Variants in NEMP2 observed in about 807,000 individuals in gnomAD.
NEMP2 encodes UPF0571 transmembrane protein.
A neutral mutation model predicts 54.2 loss-of-function variants in NEMP2; 53 were observed. That is an observed-to-expected ratio of 0.98 (90% confidence interval 0.78 to 1.23). The LOEUF is 1.23. Ranked by LOEUF, NEMP2 falls within the 50% of genes most tolerant of loss-of-function variation. NEMP2 has a pLI of 0.00. For missense variants in NEMP2, 455 were observed against 511.3 expected, an observed-to-expected ratio of 0.89 and a Z score of 1.06; for synonymous variants, 197 against 190.3, an observed-to-expected ratio of 1.04 and a Z score of -0.29.
At chr2:190,424,871 C>T in the NEMP2 span, among the ~76,000 whole-genome samples, 3 of 152,082 alleles carry the variant, frequency 2.0e-5, no homozygotes, top group African/African-American at 7.2e-5. This position sits in a 1 kb window ranked among gnomAD's most constrained non-coding sequence, Gnocchi z 5.9. Context: ...TTTAGCTATT[C>T]GTTTCTTTCC....
At chr2:190,646,965 G>T in the NEMP2 span, 4 of 152,278 alleles carry the variant, frequency 2.6e-5, no homozygotes. Context: ...AAAACATCAA[G>T]ATTCCATAGA....
chr2:190,512,550 T>C lies in NEMP2; in HGVS notation c.953+1903A>G, dbSNP rs899001138. On this transcript the variant is annotated intron_variant, in intron 7 of 8. Transcript: ENST00000409150. This position sits in a 1 kb window ranked among gnomAD's most constrained non-coding sequence, Gnocchi z 4.5. ...GCAAAATTTTAAGTTGAGGAAGTTATAGTACATTTTGATTATTATAGAACA... is the reference window on the plus strand; with the variant it reads ...GCAAAATTTTAAGTTGAGGAAGTTACAGTACATTTTGATTATTATAGAACA... Among the ~76,000 whole-genome samples, 1 of 152,236 alleles carries C rather than the reference T, an allele frequency of 6.6e-6. No individual in the cohort carries two copies. Among genetic ancestry groups the C allele is most frequent in the Non-Finnish European group, 1.5e-5 (1 of 68,038 alleles).
At chr2:190,491,733 ATATGACAAAACAAGGTT>A in the NEMP2 span, among the ~76,000 whole-genome samples, 1 of 152,210 alleles carries the variant, frequency 6.6e-6, no homozygotes. This position sits in a 1 kb window ranked among gnomAD's most constrained non-coding sequence, Gnocchi z 4.2. Context: ...AATTCTAGTA[ATATGACAAAACAAGGTT>A]CTTTAACCTG....
the NEMP2 span, among the ~76,000 whole-genome samples, chr2:190,428,635 A>G: frequency 6.6e-6 from 1 of 150,602 alleles, no homozygotes; most frequent in African/African-American, 2.5e-5. Context: ...GTTGGCACTC[A>G]AACATTTAGA....
chr2:190,434,073 C>T, the NEMP2 span, among the ~76,000 whole-genome samples: 2 of 151,326 alleles, frequency 1.3e-5, no homozygotes, highest in Admixed American at 1.3e-4. The surrounding 1 kb of genome is among the most constrained non-coding windows in gnomAD (Gnocchi z 4.3). Flanking sequence ...GTCCTAGCTA[C>T]TTAGGAGACT....
chr2:190,541,058 AGTT>A, the NEMP2 span, among the ~76,000 whole-genome samples: 3 of 151,896 alleles, frequency 2.0e-5, no homozygotes, highest in Non-Finnish European at 4.4e-5. The surrounding 1 kb of genome is among the most constrained non-coding windows in gnomAD (Gnocchi z 5.2). Flanking sequence ...CTGTGGTCTC[AGTT>A]GTTATGTCTC....
rs1310225983 is a variant in NEMP2 at position 190,514,065 on chromosome 2, C to A, written c.953+388G>T. 1.3e-5 allele frequency among the ~76,000 whole-genome samples: 2 copies of A among 152,188 alleles called. No individual in the cohort carries two copies. The highest frequency in any genetic ancestry group is 2.9e-5 in the Non-Finnish European group (2 of 68,036). ...TAATACCTTTCAGTCATTTATGATTCATTTCTGTTTCCTAATTCGTATCTC... is the reference window on the plus strand; with the variant it reads ...TAATACCTTTCAGTCATTTATGATTAATTTCTGTTTCCTAATTCGTATCTC... On this transcript the variant is annotated intron_variant, in intron 7 of 8. Transcript: ENST00000409150. The surrounding 1 kb of genome is among the most constrained non-coding windows in gnomAD (Gnocchi z 5.7).
At chr2:190,452,088 T>C in the NEMP2 span, among the ~76,000 whole-genome samples, 11 of 152,104 alleles carry the variant, frequency 7.2e-5, no homozygotes, top group South Asian at 4.1e-4. Flanking sequence ...GTTTTTTTTT[T>C]CAGCAACTTC....
chr2:190,436,203 G>A, the NEMP2 span: 1 of 1,614,152 alleles, frequency 6.2e-7, no homozygotes, highest in South Asian at 1.1e-5. The surrounding 1 kb of genome is among the most constrained non-coding windows in gnomAD (Gnocchi z 5.3). Flanking sequence ...ACTGGATAGA[G>A]AAACATTGTG....
the NEMP2 span, among the ~76,000 whole-genome samples, chr2:190,574,227 T>G: frequency 6.6e-6 from 1 of 152,330 alleles, no homozygotes; most frequent in South Asian, 2.1e-4. Flanking sequence ...AGAAATAAAT[T>G]GAGTCAAAGG....
At chr2:190,470,905 A>G in the NEMP2 span, among the ~76,000 whole-genome samples, 57 of 151,768 alleles carry the variant, frequency 3.8e-4, no homozygotes, top group African/African-American at 1.3e-3. Flanking sequence ...AAATTCAAGT[A>G]TATATATATA....
At chr2:190,495,916 T>C in the NEMP2 span, among the ~76,000 whole-genome samples, 45,666 of 151,940 alleles carry the variant, frequency 0.3, 7,622 homozygotes, top group East Asian at 0.46. The surrounding 1 kb of genome is among the most constrained non-coding windows in gnomAD (Gnocchi z 4.7). Flanking sequence ...AAAACCCTTC[T>C]AGACATTGGC....
the NEMP2 span, among the ~76,000 whole-genome samples, chr2:190,432,092 A>G: frequency 6.6e-6 from 1 of 152,122 alleles, no homozygotes; most frequent in Non-Finnish European, 1.5e-5. Context: ...GTAATTACTC[A>G]TATTTAGTGG....
intron 6 of NEMP2, among the ~76,000 whole-genome samples, chr2:190,515,017 C>T (rs1476862252): frequency 2.0e-5 from 3 of 152,040 alleles, no homozygotes; most frequent in Admixed American, 6.6e-5. Flanking sequence ...GGCTACAAAC[C>T]CTATTTTTTA....
chr2:190,549,376 T>G, the NEMP2 span, among the ~76,000 whole-genome samples: 3 of 152,242 alleles, frequency 2.0e-5, no homozygotes, highest in Non-Finnish European at 4.4e-5. Flanking sequence ...CTTTTTCATA[T>G]ATTAGTTGGA....
downstream of NEMP2, among the ~76,000 whole-genome samples, chr2:190,502,807 G>A (rs1690081472): frequency 6.6e-6 from 1 of 152,184 alleles, no homozygotes; most frequent in Admixed American, 6.5e-5. The surrounding 1 kb of genome is among the most constrained non-coding windows in gnomAD (Gnocchi z 4.4). Flanking sequence ...GTAGTGTGCT[G>A]ATGAGATTAT....
At chr2:190,645,135 GTGATA>G in the NEMP2 span, among the ~76,000 whole-genome samples, 25 of 152,256 alleles carry the variant, frequency 1.6e-4, no homozygotes, top group African/African-American at 6.0e-4. Context: ...AACCATACAA[GTGATA>G]TTTATTTAAG....
intron 2 of NEMP2, among the ~76,000 whole-genome samples, chr2:190,524,172 G>A (rs1690850783): frequency 6.6e-6 from 1 of 151,892 alleles, no homozygotes. Flanking sequence ...AACCAAGATC[G>A]CACCAATGCA....
In NEMP2 at chr2:190,533,209, A is replaced by G. The variant is rs1004986751; in HGVS notation, c.97+1350T>C. ...TTATACCACAAGTTGTGGCTGAAGGAATGAGTGGTCTAGAACCCAAGGTGC... is the reference window on the plus strand; with the variant it reads ...TTATACCACAAGTTGTGGCTGAAGGGATGAGTGGTCTAGAACCCAAGGTGC... On this transcript the variant is annotated intron_variant, in intron 1 of 8. Transcript: ENST00000409150. The surrounding 1 kb of genome is among the most constrained non-coding windows in gnomAD (Gnocchi z 4.3). Among the ~76,000 whole-genome samples the G allele has an allele frequency of 1.3e-5, 2 of 152,156 alleles. No homozygotes were observed. The highest frequency in any genetic ancestry group is 1.5e-5 in the Non-Finnish European group (1 of 68,020).
Sources: allele counts gnomAD v4.1 joint callset (sites outside exome capture counted in the v4.1 genomes callset), GRCh38; gene constraint gnomAD v4.1.1; non-coding constraint Gnocchi (gnomAD v3.1); transcripts MANE v1.5; gene names NCBI Gene and HGNC (gene_info 2026-07-23, HGNC 2026-07-21).